The following TBC1D10A variants were observed in gnomAD, a reference collection of about 807,000 sequenced individuals.
TBC1D10A encodes the protein EBP50-PDX interactor of 64 kDa.
In TBC1D10A, 24 loss-of-function variants were observed where a neutral mutation model predicts 52.9. The observed-to-expected ratio is 0.45, with a 90% confidence interval of 0.33 to 0.64. The LOEUF (loss-of-function observed/expected upper bound fraction) is 0.64, where lower values mean the gene tolerates loss of function less well. TBC1D10A is among the 30% of genes least tolerant of loss of function. TBC1D10A has a pLI of 0.02. For missense variants in TBC1D10A, 602 were observed against 687.9 expected (o/e 0.88, Z 1.40); for synonymous variants, 278 against 282.9 (o/e 0.98, Z 0.17).
At chr22:30,308,725 C>T (rs76973242) in intron 1 of TBC1D10A, among the ~76,000 whole-genome samples, 2,756 of 152,148 alleles carry the variant, frequency 0.018, 32 homozygotes, top group East Asian at 0.032. Flanking sequence ...TCCTACCACA[C>T]GCCCCAGGTG....
At chr22:30,312,577 C>A (rs1220827871) in intron 1 of TBC1D10A, among the ~76,000 whole-genome samples, 1 of 152,134 alleles carries the variant, frequency 6.6e-6, no homozygotes, top group Non-Finnish European at 1.5e-5. Context: ...ACAACAACAA[C>A]AACAAAAACA....
chr22:30,300,860 C>T lies in TBC1D10A; in HGVS notation c.310-1309G>A, dbSNP rs554012894. Among the ~76,000 whole-genome samples the T allele has an allele frequency of 9.2e-5, 14 of 152,334 alleles. No homozygotes were observed. The East Asian group carries it at 2.1e-3, about 23-fold the overall frequency. On this transcript the variant is annotated intron_variant, in intron 2 of 8. Coordinates refer to ENST00000215790, the MANE Select transcript of TBC1D10A (RefSeq NM_031937.3). ...GCTAAAATGGCCCAGGTCTTCTCTG[C>T]CACTCGTAGAATGGGAGAAGTGAGG...
chr22:30,293,300 C>T (rs898368728), intron 8 of TBC1D10A: 1 of 609,060 alleles, frequency 1.6e-6, no homozygotes. Context: ...GCTGGTCACG[C>T]ATGTTCCACC....
At chr22:30,294,363 A>C (rs574505777) in intron 6 of TBC1D10A, among the ~76,000 whole-genome samples, 2 of 152,176 alleles carry the variant, frequency 1.3e-5, no homozygotes, top group Non-Finnish European at 2.9e-5. Flanking sequence ...GAATGCCCCT[A>C]ACAAGGCTGG....
intron 2 of TBC1D10A, chr22:30,299,752 A>C (rs1006986532): frequency 6.8e-4 from 306 of 448,914 alleles, no homozygotes; most frequent in Non-Finnish European, 1.0e-3. Context: ...GGATCACCTG[A>C]GTTCAGGAGT....
chr22:30,298,344 C>T (rs1930128397), intron 3 of TBC1D10A: 1 of 152,242 alleles, frequency 6.6e-6, no homozygotes, highest in African/African-American at 2.4e-5. Flanking sequence ...TATTGGTGCT[C>T]TGGGGAATAA....
chr22:30,314,606 T>C (rs1001818333), intron 1 of TBC1D10A, among the ~76,000 whole-genome samples: 1 of 151,786 alleles, frequency 6.6e-6, no homozygotes, highest in Non-Finnish European at 1.5e-5. Context: ...GGCCAGGAGT[T>C]TGAGACCAGC....
At chr22:30,304,741 T>C (rs1414665303) in intron 1 of TBC1D10A, 111 bp from the exon 2 acceptor site, 12 of 1,494,120 alleles carry the variant, frequency 8.0e-6, no homozygotes, top group Non-Finnish European at 1.1e-5. Context: ...CTACCATCCC[T>C]GCTGTTCCCT....
At chr22:30,310,640 A>T (rs749866578) in intron 1 of TBC1D10A, among the ~76,000 whole-genome samples, 12 of 152,204 alleles carry the variant, frequency 7.9e-5, no homozygotes, top group Non-Finnish European at 1.2e-4. Flanking sequence ...TGACACTTTC[A>T]TGCGCTGGCC....
At chr22:30,305,978 A>G (rs575655773) in intron 1 of TBC1D10A, among the ~76,000 whole-genome samples, 1 of 152,334 alleles carries the variant, frequency 6.6e-6, no homozygotes, top group Admixed American at 6.5e-5. Context: ...CTTTCCTGAT[A>G]AAAGCAAAGC....
At chr22:30,324,434 G>A (rs915915819) in intron 1 of TBC1D10A, among the ~76,000 whole-genome samples, 1 of 152,184 alleles carries the variant, frequency 6.6e-6, no homozygotes, top group African/African-American at 2.4e-5. Context: ...AGAGAGGACT[G>A]GAGCTGGGAT....
At chr22:30,295,629 A>G in intron 4 of TBC1D10A, 108 bp downstream of exon 4, 1 of 1,026,194 alleles carries the variant, frequency 9.7e-7, no homozygotes. Flanking sequence ...CTAAGAGTGG[A>G]GTTGGGGGCA....
chr22:30,312,230 T>C (rs1016315841), intron 1 of TBC1D10A, among the ~76,000 whole-genome samples: 26 of 152,246 alleles, frequency 1.7e-4, no homozygotes, highest in African/African-American at 5.5e-4. Context: ...CCACCCTGAC[T>C]CATCCTTACC....
At chr22:30,319,185 T>C (rs1167748544) in intron 1 of TBC1D10A, among the ~76,000 whole-genome samples, 1 of 152,196 alleles carries the variant, frequency 6.6e-6, no homozygotes, top group Non-Finnish European at 1.5e-5. Context: ...GAAGCCTGGA[T>C]CAAATGCTAC....
intron 4 of TBC1D10A, 71 bp downstream of exon 4, chr22:30,295,666 T>A: frequency 6.7e-7 from 1 of 1,493,990 alleles, no homozygotes; most frequent in Admixed American, 1.7e-5. Context: ...CTGAACTCAC[T>A]GTACCTCCTT....
At chr22:30,323,708 G>A (rs1307359058) in intron 1 of TBC1D10A, among the ~76,000 whole-genome samples, 1 of 152,144 alleles carries the variant, frequency 6.6e-6, no homozygotes, top group Non-Finnish European at 1.5e-5. Flanking sequence ...GCTCATGCCT[G>A]TAAACCCAGC....
Position 30,321,476 on chromosome 22 carries a change from C to T in TBC1D10A, c.209+5197G>A, listed in dbSNP as rs376136107. The stretch of plus-strand genomic sequence containing the variant: ...CCCCACTCCAATAAAAACTGGCACA[C>T]AATAAACTATAGGGATGCCAATTAA... On this transcript the variant is annotated intron_variant, in intron 1 of 8. Coordinates refer to ENST00000215790, the MANE Select transcript of TBC1D10A (RefSeq NM_031937.3). Among the ~76,000 whole-genome samples, 16 of 152,342 alleles carry T rather than the reference C, an allele frequency of 1.1e-4. No individual in the cohort carries two copies. In the East Asian group the frequency reaches 1.7e-3, roughly 16 times the overall value.
In TBC1D10A at chr22:30,292,012, T is replaced by A. The variant is rs529255050; in HGVS notation, c.*363A>T. 4.7e-6 allele frequency: 1 copy of A among 211,788 alleles called. No homozygotes were observed. Among genetic ancestry groups the A allele is most frequent in the African/African-American group, 2.3e-5 (1 of 43,712 alleles). 13.1% of individuals were successfully genotyped at this position (211,788 alleles called of 1,614,324 possible). ...AGCTCTCTATACAAGGCTGTTTATT[T>A]CTGTACAAAACCATGTTTCTATTTT... On this transcript the variant is annotated 3_prime_UTR_variant, in exon 9 of 9. Coordinates refer to ENST00000215790, the MANE Select transcript of TBC1D10A (RefSeq NM_031937.3).
At chr22:30,317,538 A>C (rs1345986239) in intron 1 of TBC1D10A, among the ~76,000 whole-genome samples, 1 of 144,308 alleles carries the variant, frequency 6.9e-6, no homozygotes, top group Non-Finnish European at 1.5e-5. Context: ...ATTTGTTTAC[A>C]CTATGCTCCT....
Sources: allele counts gnomAD v4.1 joint callset (sites outside exome capture counted in the v4.1 genomes callset), GRCh38; gene constraint gnomAD v4.1.1; transcripts MANE v1.5; gene names NCBI Gene and HGNC (gene_info 2026-07-23, HGNC 2026-07-21).